CALD1: variants seen among roughly 807,000 people sequenced by gnomAD.
CALD1 encodes the protein caldesmon.
Under a neutral mutation model 99.9 loss-of-function variants are expected in CALD1, and 33 were observed. The observed-to-expected ratio is 0.33, with a 90% CI of 0.25 to 0.44. The LOEUF is 0.44. Among genes scored for constraint, CALD1 ranks in the 20% least tolerant of loss-of-function variants. The pLI is 1.00. For synonymous variants in CALD1, 310 were observed against 325.0 expected (o/e 0.95, Z 0.50); for missense variants, 861 against 962.1 (o/e 0.89, Z 1.39).
In CALD1 at chr7:134,807,461, A is replaced by G. The variant is rs116655997; in HGVS notation, c.-130+27712A>G. On this transcript the variant is annotated intron_variant, in intron 1 of 14. Coordinates refer to ENST00000361675, the MANE Select transcript of CALD1 (RefSeq NM_033138.4). ...CAGTTTCTAAACTCAAGAAGGATAA[A>G]TTGCTCCTACCCTCACCCCACTCCC... is the stretch of plus-strand genomic sequence containing the variant. Among the ~76,000 whole-genome samples the G allele has an allele frequency of 6.0e-3, 916 of 152,228 alleles. 14 individuals are homozygous for G. The highest frequency in any genetic ancestry group is 0.021 in the African/African-American group (863 of 41,514).
chr7:134,748,270 C>T lies in CALD1; in HGVS notation c.-130+3907C>T, dbSNP rs555888079. ...CATGTTTAATTTTAAAGGTTCACAG[C>T]TCAGGATGGATAGTACCTGCGGTCT... is the stretch of plus-strand genomic sequence containing the variant. On this transcript the variant is annotated intron_variant, in intron 1 of 13. Transcript: ENST00000417172. Among the ~76,000 whole-genome samples the T allele has an allele frequency of 3.3e-5, 5 of 152,314 alleles. No homozygotes were observed. In the South Asian group the frequency reaches 1.0e-3, roughly 32 times the overall value.
chr7:134,821,343 TTCA>T (rs558936720), intron 1 of CALD1, among the ~76,000 whole-genome samples: 136 of 152,256 alleles, frequency 8.9e-4, no homozygotes, highest in East Asian at 4.6e-3. Flanking sequence ...TTATCTTTAG[TTCA>T]TCAACTTCTA....
chr7:134,725,391 TTGTC>T, the CALD1 span, among the ~76,000 whole-genome samples: 409 of 152,324 alleles, frequency 2.7e-3, 3 homozygotes, highest in African/African-American at 9.1e-3. Flanking sequence ...AAGTGTCACT[TTGTC>T]TGTTTTATAA....
intron 1 of CALD1, among the ~76,000 whole-genome samples, chr7:134,786,547 G>A (rs868503473): frequency 2.6e-5 from 4 of 152,098 alleles, no homozygotes; most frequent in African/African-American, 9.7e-5. Flanking sequence ...TTCGATTAAT[G>A]TCTGCCCTGT....
At chr7:134,910,856 A>G (rs1473699496) in intron 3 of CALD1, among the ~76,000 whole-genome samples, 1 of 152,212 alleles carries the variant, frequency 6.6e-6, no homozygotes, top group Non-Finnish European at 1.5e-5. Flanking sequence ...TTCTGCATAT[A>G]GTTGCAACAT....
the CALD1 span, among the ~76,000 whole-genome samples, chr7:134,719,437 G>A: frequency 6.6e-6 from 1 of 152,210 alleles, no homozygotes; most frequent in South Asian, 2.1e-4. Context: ...GTAAAAAGTA[G>A]CAGAGCACCC....
chr7:134,931,531 G>A (rs1239156391), intron 4 of CALD1, among the ~76,000 whole-genome samples: 1 of 152,208 alleles, frequency 6.6e-6, no homozygotes, highest in African/African-American at 2.4e-5. Flanking sequence ...AATATGAAAT[G>A]TGTTTTTTCC....
intron 4 of CALD1, among the ~76,000 whole-genome samples, chr7:134,931,541 C>A (rs974899148): frequency 6.6e-6 from 1 of 151,968 alleles, no homozygotes; most frequent in African/African-American, 2.4e-5. Flanking sequence ...GTGTTTTTTC[C>A]AAAATTAAGT....
intron 2 of CALD1, among the ~76,000 whole-genome samples, chr7:134,856,480 T>C (rs1021548507): frequency 6.6e-6 from 1 of 152,170 alleles, no homozygotes; most frequent in African/African-American, 2.4e-5. Context: ...CAGGCAACAG[T>C]TTTTTTAGAC....
chr7:134,895,601 T>C (rs1802518853), intron 3 of CALD1, among the ~76,000 whole-genome samples: 1 of 152,156 alleles, frequency 6.6e-6, no homozygotes, highest in Admixed American at 6.5e-5. Context: ...CCGCTCCCTG[T>C]TCTGCTGTAG....
At chr7:134,924,326 T>C (rs1804828078) in intron 3 of CALD1, among the ~76,000 whole-genome samples, 1 of 152,240 alleles carries the variant, frequency 6.6e-6, no homozygotes, top group South Asian at 2.1e-4. Context: ...AATTTATGTG[T>C]GCGTTGCTTT....
intron 1 of CALD1, among the ~76,000 whole-genome samples, chr7:134,824,754 C>T (rs1269599035): frequency 8.5e-5 from 13 of 152,086 alleles, no homozygotes; most frequent in Admixed American, 7.9e-4. Context: ...ATTGTACATA[C>T]GGAGTTTTCT....
At chr7:134,849,624 A>G (rs1467881853) in intron 2 of CALD1, among the ~76,000 whole-genome samples, 2 of 151,936 alleles carry the variant, frequency 1.3e-5, no homozygotes, top group African/African-American at 4.8e-5. Flanking sequence ...TTAAAAATAT[A>G]TTTTTCTATC....
At chr7:134,800,949 G>A (rs990079091) in intron 1 of CALD1, among the ~76,000 whole-genome samples, 2 of 151,856 alleles carry the variant, frequency 1.3e-5, no homozygotes, top group Non-Finnish European at 2.9e-5. Flanking sequence ...TGTATTTATT[G>A]TACAAAACAT....
At chr7:134,849,218 G>A (rs1781625395) in intron 2 of CALD1, among the ~76,000 whole-genome samples, 1 of 152,154 alleles carries the variant, frequency 6.6e-6, no homozygotes, top group Non-Finnish European at 1.5e-5. Flanking sequence ...CAAAACACAG[G>A]CATGCACTGG....
intron 8 of CALD1, among the ~76,000 whole-genome samples, chr7:134,949,061 G>T (rs1563125143): frequency 6.6e-6 from 1 of 152,094 alleles, no homozygotes; most frequent in Non-Finnish European, 1.5e-5. Context: ...TATCTACTTT[G>T]CAGGATTCTT....
chr7:134,907,902 G>A (rs1803520425), intron 3 of CALD1, among the ~76,000 whole-genome samples: 1 of 152,130 alleles, frequency 6.6e-6, no homozygotes, highest in Non-Finnish European at 1.5e-5. Flanking sequence ...GTCAGGCGGT[G>A]GATGATATTT....
rs1273619125 is a variant in CALD1, at chr7:134,843,955, C to CA, written c.-57dup. On this transcript the variant is annotated 5_prime_UTR_variant, in exon 2 of 15. Transcript: ENST00000361675. ...TTGGTGACCAACCAGAAGGCTCAGA[C>CA]ATCTGATTGCTGACCTGTGAGTAAA... 6.6e-6 allele frequency: 1 copy of CA among 152,192 alleles called. No homozygotes were observed. The highest frequency in any genetic ancestry group is 1.5e-5 in the Non-Finnish European group (1 of 68,032). The allele number at this position is 152,192 out of a possible 1,614,324, so 9.4% of individuals were successfully genotyped here. A position where few individuals can be genotyped will look rare whatever the true frequency, so the allele number is the denominator to read the frequency against.
chr7:134,940,579 T>C (rs1056445742), intron 6 of CALD1, among the ~76,000 whole-genome samples: 2 of 152,200 alleles, frequency 1.3e-5, no homozygotes, highest in Non-Finnish European at 2.9e-5. Flanking sequence ...TTTACTCAGT[T>C]GATTAAAATA....
Sources: gnomAD v4.1 joint callset for allele counts (sites outside exome capture counted in the v4.1 genomes callset) on GRCh38, gnomAD v4.1.1 for gene constraint, MANE v1.5 for transcripts, NCBI Gene and HGNC (gene_info 2026-07-23, HGNC 2026-07-21) for gene names.